The following CTNNA3 variants were observed in gnomAD, a reference collection of about 807,000 sequenced individuals.
CTNNA3 encodes the protein catenin alpha 3.
A neutral mutation model predicts 95.7 loss-of-function variants in CTNNA3; 76 were observed. That is an observed-to-expected ratio of 0.79 (90% CI 0.66 to 0.96). The LOEUF (loss-of-function observed/expected upper bound fraction) is 0.96. CTNNA3 is among the 40% of genes least tolerant of loss of function. The pLI is 0.00. For synonymous variants in CTNNA3, 431 were observed against 374.4 expected (o/e 1.15, Z -1.74); for missense variants, 1,191 against 1,089.8 (o/e 1.09, Z -1.31).
At chr10:67,198,524 C>T (rs1404935523) in intron 6 of CTNNA3, among the ~76,000 whole-genome samples, 1 of 152,088 alleles carries the variant, frequency 6.6e-6, no homozygotes, top group Non-Finnish European at 1.5e-5. Flanking sequence ...GGAAAAGATA[C>T]TCTGAGAAAA....
chr10:66,727,738 T>C (rs1848823945), intron 9 of CTNNA3, among the ~76,000 whole-genome samples: 1 of 152,144 alleles, frequency 6.6e-6, no homozygotes, highest in Admixed American at 6.6e-5. Context: ...ATCCACTGTA[T>C]ATCAGAAAAA....
intron 1 of CTNNA3, among the ~76,000 whole-genome samples, chr10:67,712,613 T>C (rs763605566): frequency 9.9e-5 from 15 of 152,178 alleles, no homozygotes; most frequent in Non-Finnish European, 2.2e-4. Flanking sequence ...AGCTTCCACA[T>C]GGTGTTGAGC....
intron 13 of CTNNA3, chr10:66,118,391 C>T (rs890910208): frequency 2.6e-5 from 4 of 152,122 alleles, no homozygotes; most frequent in African/African-American, 7.2e-5. Context: ...AAGATTAGTA[C>T]CATCTGATTA....
In CTNNA3 at chr10:67,566,038, T is replaced by C. The variant is rs1365483326; in HGVS notation, c.293-26369A>G. On this transcript the variant is annotated intron_variant, in intron 3 of 17. Coordinates refer to ENST00000433211, the MANE Select transcript of CTNNA3 (RefSeq NM_013266.4). ...ACAAACACACACACACACATATGTG[T>C]GTGTGTATATATATATATATATATA... 5.2e-5 allele frequency among the ~76,000 whole-genome samples: 3 copies of C among 57,376 alleles called. No homozygotes were observed. The East Asian group carries it at 7.0e-3, about 133-fold the overall frequency. 37.6% of individuals were successfully genotyped at this position (57,376 alleles called of 152,430 possible).
intron 13 of CTNNA3, among the ~76,000 whole-genome samples, chr10:66,151,652 T>C (rs2084207051): frequency 6.6e-6 from 1 of 151,962 alleles, no homozygotes; most frequent in South Asian, 2.1e-4. Flanking sequence ...AGAGATATAC[T>C]TGCCTCTGTT....
intron 1 of CTNNA3, among the ~76,000 whole-genome samples, chr10:67,666,206 A>T (rs1486652728): frequency 6.6e-6 from 1 of 152,166 alleles, no homozygotes; most frequent in Admixed American, 6.5e-5. Context: ...TGGGGTGAGA[A>T]AAGCAGTTCT....
chr10:66,861,244 C>T (rs538191750), intron 7 of CTNNA3, among the ~76,000 whole-genome samples: 1 of 152,254 alleles, frequency 6.6e-6, no homozygotes, highest in South Asian at 2.1e-4. Flanking sequence ...TAATATTGTT[C>T]TTGGTCAACA....
chr10:66,360,769 T>TTTTCTTTCTTTC (rs1387654842), intron 12 of CTNNA3, among the ~76,000 whole-genome samples: 2 of 67,914 alleles, frequency 2.9e-5, no homozygotes, highest in Non-Finnish European at 5.7e-5. Flanking sequence ...CCTTCCTTCC[T>TTTTCTTTCTTTC]TTTCTTTCTT....
intron 10 of CTNNA3, among the ~76,000 whole-genome samples, chr10:66,523,743 G>A (rs1468270287): frequency 6.6e-6 from 1 of 151,910 alleles, no homozygotes; most frequent in Non-Finnish European, 1.5e-5. Context: ...TATCTTAACT[G>A]GGCCATTCTA....
At chr10:65,966,512 C>G (rs565648756) in intron 17 of CTNNA3, 100 bp downstream of exon 17, 2 of 1,046,820 alleles carry the variant, frequency 1.9e-6, no homozygotes, top group Admixed American at 5.7e-5. Flanking sequence ...TTTTTCTAAA[C>G]TAATTTTACC....
At chr10:67,517,964 A>G (rs1006289363) in intron 5 of CTNNA3, among the ~76,000 whole-genome samples, 4 of 152,196 alleles carry the variant, frequency 2.6e-5, no homozygotes, top group African/African-American at 4.8e-5. Context: ...AACAGAAAAC[A>G]TATAATAGCT....
At chr10:67,120,290 T>A (rs1859394446) in intron 7 of CTNNA3, among the ~76,000 whole-genome samples, 1 of 151,916 alleles carries the variant, frequency 6.6e-6, no homozygotes, top group African/African-American at 2.4e-5. Context: ...TGATCAAAAA[T>A]TATCACTTTA....
chr10:67,553,141 A>T (rs968851577), intron 3 of CTNNA3, among the ~76,000 whole-genome samples: 7 of 152,152 alleles, frequency 4.6e-5, no homozygotes, highest in African/African-American at 7.2e-5. Context: ...TGTGTGTGAT[A>T]AAAACAGTTT....
intron 7 of CTNNA3, among the ~76,000 whole-genome samples, chr10:66,799,756 A>G (rs1017659225): frequency 1.3e-5 from 2 of 151,512 alleles, no homozygotes; most frequent in African/African-American, 2.4e-5. Flanking sequence ...ACACAGATTC[A>G]AAAATCTCAG....
chr10:66,809,431 A>G (rs573584189), intron 7 of CTNNA3, among the ~76,000 whole-genome samples: 1 of 152,238 alleles, frequency 6.6e-6, no homozygotes, highest in South Asian at 2.1e-4. Flanking sequence ...GATTTTTTCC[A>G]TTACTAACTT....
chr10:66,613,892 CCAT>C (rs1040657510), intron 10 of CTNNA3, among the ~76,000 whole-genome samples: 3 of 151,924 alleles, frequency 2.0e-5, no homozygotes, highest in Non-Finnish European at 4.4e-5. Flanking sequence ...AACAAAACAT[CCAT>C]CATCATCATC....
chr10:67,044,091 C>A (rs1284662004), intron 7 of CTNNA3, among the ~76,000 whole-genome samples: 1 of 151,906 alleles, frequency 6.6e-6, no homozygotes, highest in Non-Finnish European at 1.5e-5. Context: ...GCCCTTCCCT[C>A]CTCCCTCTTT....
At chr10:67,631,516 G>A (rs2133437424) in intron 2 of CTNNA3, among the ~76,000 whole-genome samples, 1 of 152,214 alleles carries the variant, frequency 6.6e-6, no homozygotes, top group South Asian at 2.1e-4. Flanking sequence ...TGGAAGCAAA[G>A]GAATATAACA....
chr10:67,021,411 T>C (rs1853006856), intron 7 of CTNNA3, among the ~76,000 whole-genome samples: 1 of 152,264 alleles, frequency 6.6e-6, no homozygotes, highest in African/African-American at 2.4e-5. Flanking sequence ...AAAAGTCATA[T>C]GAAACATATA....
Sources: allele counts gnomAD v4.1 joint callset (sites outside exome capture counted in the v4.1 genomes callset), GRCh38; gene constraint gnomAD v4.1.1; transcripts MANE v1.5; gene names NCBI Gene and HGNC (gene_info 2026-07-23, HGNC 2026-07-21).